GRM1: variants seen among roughly 807,000 people sequenced by gnomAD.
The protein encoded by GRM1 is metabotropic glutamate receptor 1.
Under a neutral mutation model 90.9 loss-of-function variants are expected in GRM1, and 33 were observed. The observed-to-expected ratio is 0.36, with a 90% confidence interval of 0.28 to 0.49. GRM1 has a LOEUF of 0.49. GRM1 is among the 20% of genes least tolerant of loss of function. The pLI, the probability that GRM1 is intolerant of heterozygous loss-of-function variation, is 0.99. For synonymous variants in GRM1, 700 were observed against 613.2 expected (o/e 1.14, Z -2.09); for missense variants, 1,190 against 1,534.3 (o/e 0.78, Z 3.75).
chr6:146,247,781 T>G (rs1181037315), intron 2 of GRM1, among the ~76,000 whole-genome samples: 27 of 114,424 alleles, frequency 2.4e-4, no homozygotes, highest in African/African-American at 1.2e-3. Flanking sequence ...ATGTGTGTGG[T>G]GTGTGTGTGT....
chr6:146,329,253 T>A (rs1250923570), intron 3 of GRM1, among the ~76,000 whole-genome samples: 3 of 152,182 alleles, frequency 2.0e-5, no homozygotes, highest in Admixed American at 6.5e-5. Flanking sequence ...ACATTGAGCA[T>A]CCCTCAGAAG....
At position 146,140,090 on chromosome 6, in the gene GRM1, A is replaced by ACTCTTTCTTTCTTTCT. The variant is rs1486556879; in HGVS notation, c.701-19258_701-19257insCTCTTTCTTTCTTTCT. On this transcript the variant is annotated intron_variant, in intron 1 of 7. Coordinates refer to ENST00000282753, the MANE Select transcript of GRM1 (RefSeq NM_001278064.2). ...CTCTTCTTTTCTCCTTTCTTTCTTTATTCTTTCTTTCTTTCTTTCTTTCTT... is the reference window on the plus strand; with the variant it reads ...CTCTTCTTTTCTCCTTTCTTTCTTTACTCTTTCTTTCTTTCTTTCTTTCTTTCTTTCTTTCTTTCTT... 5.2e-5 allele frequency among the ~76,000 whole-genome samples: 3 copies of ACTCTTTCTTTCTTTCT among 57,838 alleles called. 1 individual carries two copies. The East Asian group carries it at 1.6e-3, about 32-fold the overall frequency. 37.9% of individuals were successfully genotyped at this position (57,838 alleles called of 152,430 possible).
At chr6:146,342,649 C>A (rs988306729) in intron 3 of GRM1, among the ~76,000 whole-genome samples, 2 of 152,164 alleles carry the variant, frequency 1.3e-5, no homozygotes, top group African/African-American at 2.4e-5. Flanking sequence ...TTTCATAAGT[C>A]CTTGTGAGAT....
chr6:146,357,043 T>C lies in GRM1; in HGVS notation c.1434-483T>C, dbSNP rs143737522. 1.2e-4 allele frequency among the ~76,000 whole-genome samples: 18 copies of C among 152,330 alleles called. No individual in the cohort carries two copies. The East Asian group carries it at 3.5e-3, about 29-fold the overall frequency. ...CCTCAACATCCTTAGTAATTAAAGA[T>C]GCCTTTCTCAGATTTCTTGCTCTAT... On this transcript the variant is annotated intron_variant, in intron 4 of 7. Transcript: ENST00000282753.
chr6:146,106,562 T>C (rs898389776), intron 1 of GRM1, among the ~76,000 whole-genome samples: 75 of 152,232 alleles, frequency 4.9e-4, no homozygotes, highest in African/African-American at 1.7e-3. Context: ...AACTTACCAA[T>C]TCAGTTCACA....
At chr6:146,368,549 A>C (rs1055334650) in intron 5 of GRM1, among the ~76,000 whole-genome samples, 1 of 152,004 alleles carries the variant, frequency 6.6e-6, no homozygotes, top group African/African-American at 2.4e-5. Flanking sequence ...GACATTTCTT[A>C]TATAACTAAT....
intron 2 of GRM1, among the ~76,000 whole-genome samples, chr6:146,196,713 G>T (rs9376984): frequency 4.6e-5 from 7 of 152,086 alleles, no homozygotes; most frequent in Non-Finnish European, 8.8e-5. Flanking sequence ...TACTGAATCA[G>T]AATCTTTGAG....
chr6:146,332,793 C>T (rs1784629353), intron 3 of GRM1, among the ~76,000 whole-genome samples: 1 of 152,082 alleles, frequency 6.6e-6, no homozygotes, highest in African/African-American at 2.4e-5. Flanking sequence ...GTATTTTGTC[C>T]TCCTCAAAAT....
In GRM1 at chr6:146,399,420, C is replaced by T; in HGVS notation, c.2381C>T (p.Thr794Ile). The change falls in exon 7 of 8, where the codon ACC becomes ATC. Residue 794 changes from threonine (T) to isoleucine (I), a missense_variant. Physicochemically the swap from Thr to Ile is moderately conservative, Grantham distance 89. Transcript: ENST00000282753. This position sits in a 1 kb window ranked among gnomAD's most constrained non-coding sequence, Gnocchi z 5.4. ...TATATCGCGTTCACCATGTACACCA[C>T]CTGTATCATCTGGCTAGCTTTTGTG... ...AKYIAFTMYT[T>I]CIIWLAFVPI... 1 of 1,614,174 alleles carries T rather than the reference C, an allele frequency of 6.2e-7. No homozygotes were observed. Among genetic ancestry groups the T allele is most frequent in the Non-Finnish European group, 8.5e-7 (1 of 1,180,040 alleles).
At chr6:146,429,983 A>G (rs1438114461) in intron 7 of GRM1, among the ~76,000 whole-genome samples, 1 of 152,180 alleles carries the variant, frequency 6.6e-6, no homozygotes, top group Non-Finnish European at 1.5e-5. Context: ...CCCTTCAGGC[A>G]GTTTGTGCAG....
At chr6:146,133,045 A>G (rs1277209803) in intron 1 of GRM1, among the ~76,000 whole-genome samples, 2 of 152,174 alleles carry the variant, frequency 1.3e-5, no homozygotes, top group Non-Finnish European at 2.9e-5. Context: ...TGAGTTTTTC[A>G]TTTCTGCTAT....
At chr6:146,030,408 A>C (rs1017169339) in intron 1 of GRM1, among the ~76,000 whole-genome samples, 191 bp downstream of exon 1, 1 of 152,210 alleles carries the variant, frequency 6.6e-6, no homozygotes, top group Non-Finnish European at 1.5e-5. Flanking sequence ...GGAAAATTGT[A>C]CCCCATAGAA....
chr6:146,125,052 T>C (rs1776146397), intron 1 of GRM1, among the ~76,000 whole-genome samples: 1 of 152,160 alleles, frequency 6.6e-6, no homozygotes, highest in Non-Finnish European at 1.5e-5. Context: ...GTGTTACTTG[T>C]TGTCACTCCA....
At chr6:146,417,532 T>C (rs1253709299) in intron 7 of GRM1, among the ~76,000 whole-genome samples, 1 of 152,224 alleles carries the variant, frequency 6.6e-6, no homozygotes, top group East Asian at 1.9e-4. Flanking sequence ...AATTGTATGA[T>C]AATTGCTTAT....
At chr6:146,157,511 G>C (rs1777563606) in intron 1 of GRM1, among the ~76,000 whole-genome samples, 1 of 152,146 alleles carries the variant, frequency 6.6e-6, no homozygotes, top group Non-Finnish European at 1.5e-5. Flanking sequence ...TGCTAAAAAG[G>C]AAAGAATAGA....
Position 146,371,041 on chromosome 6 carries a change from T to G in GRM1, c.1602+13347T>G, listed in dbSNP as rs558958307. ...TGAATTCTTCATTTCCATTTTTTCT[T>G]TCTCTCATAGTCTATATTATTGCCT... is the stretch of plus-strand genomic sequence containing the variant. On this transcript the variant is annotated intron_variant, in intron 5 of 7. Coordinates refer to ENST00000282753, the MANE Select transcript of GRM1 (RefSeq NM_001278064.2). Among the ~76,000 whole-genome samples, 18 of 152,258 alleles carry G rather than the reference T, an allele frequency of 1.2e-4. No individual in the cohort carries two copies. The South Asian group carries it at 3.5e-3, about 30-fold the overall frequency.
chr6:146,277,344 T>G (rs1033392805), intron 2 of GRM1, among the ~76,000 whole-genome samples: 3 of 152,206 alleles, frequency 2.0e-5, no homozygotes, highest in African/African-American at 7.2e-5. Context: ...CCTTGGAATA[T>G]TCTGCCTGAC....
intron 3 of GRM1, among the ~76,000 whole-genome samples, chr6:146,313,693 T>C (rs1209114076): frequency 6.6e-6 from 1 of 152,132 alleles, no homozygotes; most frequent in Admixed American, 6.5e-5. Context: ...CTTTTTATAG[T>C]TTTATTAAGG....
At chr6:146,090,501 C>T (rs1776679277) in intron 1 of GRM1, among the ~76,000 whole-genome samples, 1 of 152,046 alleles carries the variant, frequency 6.6e-6, no homozygotes, top group Non-Finnish European at 1.5e-5. Context: ...TAAGTGCCTA[C>T]AAAGTTTTTA....
Sources: gnomAD v4.1 joint callset for allele counts (sites outside exome capture counted in the v4.1 genomes callset) on GRCh38, gnomAD v4.1.1 for gene constraint, Gnocchi (gnomAD v3.1) non-coding constraint, MANE v1.5 for transcripts, NCBI Gene and HGNC (gene_info 2026-07-23, HGNC 2026-07-21) for gene names.